The following NKAIN2 variants were observed in gnomAD, a reference collection of about 807,000 sequenced individuals.
NKAIN2 encodes sodium/potassium-transporting ATPase subunit beta-1-interacting protein 2.
Under a neutral mutation model 32.6 loss-of-function variants are expected in NKAIN2, and 14 were observed. That is an observed-to-expected ratio of 0.43 (90% CI 0.28 to 0.67). The LOEUF (loss-of-function observed/expected upper bound fraction) is 0.67, where lower values mean the gene tolerates loss of function less well. Ranked by LOEUF, NKAIN2 falls within the 30% of genes least tolerant of loss-of-function variation. The pLI is 0.17. For synonymous variants in NKAIN2, 80 were observed against 87.2 expected, an observed-to-expected ratio of 0.92 and a Z score of 0.46; for missense variants, 198 against 258.3, an observed-to-expected ratio of 0.77 and a Z score of 1.60.
chr6:124,562,904 CTTT>C (rs34572745), intron 3 of NKAIN2, among the ~76,000 whole-genome samples: 7 of 131,152 alleles, frequency 5.3e-5, no homozygotes, highest in East Asian at 2.2e-4. Context: ...TTTTTTGTTT[CTTT>C]TTTTTTTTTT....
At chr6:124,359,819 A>C (rs1235198171) in intron 3 of NKAIN2, among the ~76,000 whole-genome samples, 3 of 152,104 alleles carry the variant, frequency 2.0e-5, no homozygotes, top group African/African-American at 7.2e-5. Flanking sequence ...GTTGAATAGG[A>C]GTGGTGAGAG....
At chr6:124,475,659 T>C (rs1777167269) in intron 3 of NKAIN2, among the ~76,000 whole-genome samples, 1 of 152,180 alleles carries the variant, frequency 6.6e-6, no homozygotes, top group African/African-American at 2.4e-5. Context: ...AAGGTAGTTT[T>C]CCTTTCTCTG....
intron 2 of NKAIN2, among the ~76,000 whole-genome samples, chr6:124,344,524 G>A (rs1798303304): frequency 6.6e-6 from 1 of 151,292 alleles, no homozygotes; most frequent in Non-Finnish European, 1.5e-5. Context: ...GTGGTTTTTA[G>A]TTCTCCTTGA....
chr6:124,717,925 AT>A (rs535430960), intron 4 of NKAIN2, among the ~76,000 whole-genome samples: 176 of 152,308 alleles, frequency 1.2e-3, no homozygotes, highest in African/African-American at 4.1e-3. Flanking sequence ...AGGAGGTGTT[AT>A]CCCCAGGCAT....
chr6:124,779,248 AGAGAG>A (rs1779132960), intron 4 of NKAIN2, among the ~76,000 whole-genome samples: 1 of 876 alleles, frequency 1.1e-3, no homozygotes, highest in Non-Finnish European at 0.017. Context: ...CAACAAAGAA[AGAGAG>A]AGAGAGAGAG....
intron 3 of NKAIN2, among the ~76,000 whole-genome samples, chr6:124,472,631 C>A (rs1263112373): frequency 6.6e-6 from 1 of 151,354 alleles, no homozygotes; most frequent in Non-Finnish European, 1.5e-5. Context: ...AACAATGATA[C>A]ACGCTTGAAC....
chr6:124,211,768 A>G (rs1194150407), intron 1 of NKAIN2, among the ~76,000 whole-genome samples: 1 of 152,084 alleles, frequency 6.6e-6, no homozygotes, highest in East Asian at 1.9e-4. Flanking sequence ...ATTGATTTTT[A>G]GATTTTTTTG....
intron 3 of NKAIN2, among the ~76,000 whole-genome samples, chr6:124,591,345 A>G (rs1781905013): frequency 6.6e-6 from 1 of 152,226 alleles, no homozygotes; most frequent in African/African-American, 2.4e-5. Flanking sequence ...AATAAGTGTG[A>G]GGAGTGGAGA....
At chr6:123,904,255 A>G (rs913046016) in intron 1 of NKAIN2, among the ~76,000 whole-genome samples, 3 of 152,194 alleles carry the variant, frequency 2.0e-5, no homozygotes, top group African/African-American at 4.8e-5. Context: ...AAAGAAAGAA[A>G]AAAAAGAAAT....
intron 3 of NKAIN2, among the ~76,000 whole-genome samples, chr6:124,375,402 T>A (rs1463100956): frequency 6.8e-5 from 10 of 147,550 alleles, no homozygotes; most frequent in African/African-American, 2.2e-4. Flanking sequence ...TGTATATAAA[T>A]TATATATATA....
intron 1 of NKAIN2, among the ~76,000 whole-genome samples, chr6:123,970,593 G>T (rs9401716): frequency 0.026 from 3,910 of 151,894 alleles, 100 homozygotes; most frequent in East Asian, 0.14. Context: ...AATATTTATC[G>T]TTTGGCTGGG....
At chr6:124,455,346 G>C (rs1053314877) in intron 3 of NKAIN2, among the ~76,000 whole-genome samples, 19 of 152,120 alleles carry the variant, frequency 1.2e-4, no homozygotes, top group African/African-American at 4.6e-4. Flanking sequence ...AGGATCTGAG[G>C]TAAAACTCCT....
intron 3 of NKAIN2, among the ~76,000 whole-genome samples, chr6:124,459,866 T>C (rs1271563057): frequency 6.6e-6 from 1 of 151,802 alleles, no homozygotes; most frequent in Admixed American, 6.6e-5. Flanking sequence ...GCAAGTATCA[T>C]CTGTTTATAT....
intron 1 of NKAIN2, among the ~76,000 whole-genome samples, chr6:124,192,018 T>C (rs778353164): frequency 6.6e-6 from 1 of 152,132 alleles, no homozygotes; most frequent in African/African-American, 2.4e-5. Flanking sequence ...CTTAGGAGTT[T>C]ATCAAATTTA....
chr6:123,982,075 CTT>C (rs1156982992), intron 1 of NKAIN2, among the ~76,000 whole-genome samples: 2 of 152,024 alleles, frequency 1.3e-5, no homozygotes, highest in African/African-American at 2.4e-5. Context: ...TGTAACCTAA[CTT>C]TTTTTTCATA....
chr6:124,121,168 C>T (rs1275158430), intron 1 of NKAIN2, among the ~76,000 whole-genome samples: 1 of 152,056 alleles, frequency 6.6e-6, no homozygotes, highest in Non-Finnish European at 1.5e-5. Context: ...TCACTCCTCA[C>T]CTTGCCCTGC....
At chr6:124,065,023 G>A (rs937571886) in intron 1 of NKAIN2, among the ~76,000 whole-genome samples, 1 of 152,108 alleles carries the variant, frequency 6.6e-6, no homozygotes, top group Non-Finnish European at 1.5e-5. Context: ...GAACAGAAGA[G>A]TGGACCATGA....
At chr6:124,043,027 G>A (rs1781944462) in intron 1 of NKAIN2, among the ~76,000 whole-genome samples, 1 of 151,920 alleles carries the variant, frequency 6.6e-6, no homozygotes. Context: ...TATTTTAATA[G>A]AAAATATCTG....
At chr6:124,352,670 G>A (rs985899654) in intron 2 of NKAIN2, among the ~76,000 whole-genome samples, 1 of 152,124 alleles carries the variant, frequency 6.6e-6, no homozygotes, top group Non-Finnish European at 1.5e-5. Context: ...TAAATAATAT[G>A]GGGAAAATAT....
Sources: gnomAD v4.1 joint callset for allele counts (sites outside exome capture counted in the v4.1 genomes callset) on GRCh38, gnomAD v4.1.1 for gene constraint, MANE v1.5 for transcripts, NCBI Gene and HGNC (gene_info 2026-07-23, HGNC 2026-07-21) for gene names.